The following TRPA1 variants were observed in gnomAD, a reference collection of about 807,000 sequenced individuals.
TRPA1 encodes the protein ankyrin-like with transmembrane domains 1.
Under a neutral mutation model 131.3 loss-of-function variants are expected in TRPA1, and 129 were observed. The observed-to-expected ratio is 0.98, with a 90% CI of 0.85 to 1.14. TRPA1 has a LOEUF of 1.14. Ranked by LOEUF, TRPA1 falls within the 50% of genes most tolerant of loss-of-function variation. TRPA1 has a pLI of 0.00. For missense variants in TRPA1, 1,304 were observed against 1,354.2 expected, an observed-to-expected ratio of 0.96 and a Z score of 0.58; for synonymous variants, 441 against 451.7, an observed-to-expected ratio of 0.98 and a Z score of 0.30.
intron 20 of TRPA1, among the ~76,000 whole-genome samples, chr8:72,037,187 G>A (rs576179964): frequency 2.6e-5 from 4 of 152,150 alleles, no homozygotes; most frequent in African/African-American, 9.6e-5. Context: ...TACTTGCAAT[G>A]TATAATATTT....
chr8:72,030,922 T>C (rs1811791021), intron 23 of TRPA1, among the ~76,000 whole-genome samples: 1 of 152,208 alleles, frequency 6.6e-6, no homozygotes, highest in African/African-American at 2.4e-5. Context: ...ACTCATCCAT[T>C]TATTTTCTGG....
At chr8:72,026,914 G>A (rs914748235) in intron 24 of TRPA1, among the ~76,000 whole-genome samples, 3 of 151,908 alleles carry the variant, frequency 2.0e-5, no homozygotes, top group Admixed American at 2.0e-4. Flanking sequence ...TTAAAATTGT[G>A]GCCCCCTCAC....
chr8:72,058,464 T>C (rs1477264248), intron 8 of TRPA1, among the ~76,000 whole-genome samples: 2 of 152,232 alleles, frequency 1.3e-5, no homozygotes, highest in African/African-American at 4.8e-5. Context: ...AATAATCCTG[T>C]ATTTTATATA....
rs1006858614 is a variant in TRPA1, at chr8:72,064,245, C to A, written c.553-674G>T. ...ATCAGTTTACTCTATACATAATAGT[C>A]CAGAAATTATATATATATAATATAT... On this transcript the variant is annotated intron_variant, in intron 4 of 26. Transcript: ENST00000262209. 3.9e-5 allele frequency among the ~76,000 whole-genome samples: 5 copies of A among 128,890 alleles called. No homozygotes were observed. In the South Asian group the frequency reaches 1.3e-3, roughly 33 times the overall value. The allele number at this position is 128,890 out of a possible 152,430, so 84.6% of individuals were successfully genotyped here.
rs61758121 is a variant in TRPA1 at position 72,026,025 on chromosome 8, G to A, written c.2986C>T (p.Arg996Cys). The change falls in exon 25 of 27, where the codon CGC becomes TGC. Residue 996 changes from arginine to cysteine, a missense_variant. By Grantham distance (180) the Arg-to-Cys change is radical (BLOSUM62 -3). Transcript: ENST00000262209. Reference protein sequence around the residue: ...LEKKLPLWFLRKVDQKSTIVY... With the variant: ...LEKKLPLWFLCKVDQKSTIVY... ...ATGGTGGATTTCTGATCCACTTTGC[G>A]TAGAAACCAAAGTGGCAGCTTCTTC... 1.9e-4 allele frequency: 306 copies of A among 1,614,014 alleles called. 1 individual carries two copies. The African/African-American group carries it at 3.1e-3, about 17-fold the overall frequency.
chr8:72,036,551 T>C (rs1309908654), intron 20 of TRPA1, 94 bp from the exon 21 acceptor site: 1 of 1,224,942 alleles, frequency 8.2e-7, no homozygotes, highest in Non-Finnish European at 1.2e-6. Context: ...TTTTTCTAGC[T>C]TTGCAGCCAG....
At chr8:72,083,400 A>G in the TRPA1 span, among the ~76,000 whole-genome samples, 1 of 152,144 alleles carries the variant, frequency 6.6e-6, no homozygotes. Context: ...TGGACGTTTT[A>G]GATGAATATC....
chr8:72,022,293 C>G lies in TRPA1; in HGVS notation c.*613G>C, dbSNP rs566345310. On this transcript the variant is annotated 3_prime_UTR_variant, in exon 27 of 27. Transcript: ENST00000262209. The stretch of plus-strand genomic sequence containing the variant: ...GTAAAATTCGTGCATATCATAAGGC[C>G]TATTAATTTGTACTTCAACTATATG... 7.5e-5 allele frequency: 12 copies of G among 160,386 alleles called. No homozygotes were observed. In the South Asian group the frequency reaches 2.1e-3, roughly 28 times the overall value. 9.9% of individuals were successfully genotyped at this position (160,386 alleles called of 1,614,324 possible).
In TRPA1 at chr8:72,055,492, C is replaced by A. The variant is rs1805639832; in HGVS notation, c.1473G>T (p.Lys491Asn). The A allele has an allele frequency of 6.2e-7, 1 of 1,613,222 alleles. No individual in the cohort carries two copies. The highest frequency in any genetic ancestry group is 8.5e-7 in the Non-Finnish European group (1 of 1,179,310). The change falls in exon 12 of 27, where the codon AAG becomes AAT. Residue 491 changes from lysine (K) to asparagine (N), a missense_variant. Transcript: ENST00000262209. ...HGMTPLHLAA[K>N]NGHDKVVQLL... ...GCTGAACTACTTTATCATGTCCATT[C>A]TTTGCTGCCAGATGGAGAGGAGTCA...
chr8:72,047,040 T>C (rs1048448060), intron 16 of TRPA1, 108 bp downstream of exon 16: 2 of 839,394 alleles, frequency 2.4e-6, no homozygotes, highest in Non-Finnish European at 3.8e-6. Flanking sequence ...ACAAATTAGA[T>C]CAATACCATC....
chr8:72,039,017 C>T lies in TRPA1; in HGVS notation c.2143G>A (p.Gly715Arg), dbSNP rs756514712. The T allele has an allele frequency of 2.5e-6, 4 of 1,612,442 alleles. No individual in the cohort carries two copies. The highest frequency in any genetic ancestry group is 3.4e-6 in the Non-Finnish European group (4 of 1,179,162). Residue 715 changes from glycine to arginine, a missense_variant, in exon 19 of 27, where the codon GGA (glycine) becomes AGA (arginine). Physicochemically the swap from Gly to Arg is moderately radical, Grantham distance 125. Transcript: ENST00000262209. ...EYLLMKWLAYGFRAHMMNLGS... is the reference protein window; with the variant it reads ...EYLLMKWLAYRFRAHMMNLGS... The stretch of plus-strand genomic sequence containing the variant: ...AAATTCATCATATGAGCTCTAAATC[C>T]ATAAGCCAACCTACAAAAATATAAG...
At chr8:72,034,725 G>C (rs1215837803) in intron 21 of TRPA1, among the ~76,000 whole-genome samples, 1 of 152,166 alleles carries the variant, frequency 6.6e-6, no homozygotes, top group African/African-American at 2.4e-5. Context: ...TTCCCGAGTA[G>C]CCGGGACCAC....
chr8:72,033,211 C>T (rs895778744), intron 23 of TRPA1, among the ~76,000 whole-genome samples: 1 of 152,202 alleles, frequency 6.6e-6, no homozygotes, highest in African/African-American at 2.4e-5. Context: ...AACTCTGACC[C>T]CCTCTCCAAC....
rs776424509 is a variant in TRPA1 at position 72,029,942 on chromosome 8, C to A, written c.2896G>T (p.Glu966Ter). 7 of 1,613,928 alleles carry A rather than the reference C, an allele frequency of 4.3e-6. No homozygotes were observed. The highest frequency in any genetic ancestry group is 5.9e-6 in the Non-Finnish European group (7 of 1,179,850). Reference protein sequence around the residue: ...LIGLAVGDIAEVQKHASLKRI... With the variant: ...LIGLAVGDIA Reference sequence around the variant, plus strand: ...TTCAATGATGCATGTTTCTGGACCTCAGCAATGTCGCCAACTGCCAAACCA... The same window carrying A: ...TTCAATGATGCATGTTTCTGGACCTAAGCAATGTCGCCAACTGCCAAACCA... Residue 966 changes from glutamate (E) to a stop codon, truncating the protein, a stop_gained, in exon 24 of 27, where the codon GAG (glutamate) becomes TAG (stop). Coordinates refer to ENST00000262209, the MANE Select transcript of TRPA1 (RefSeq NM_007332.3). LOFTEE classifies it high-confidence loss of function.
At chr8:72,074,142 A>G (rs1023352000) in intron 1 of TRPA1, among the ~76,000 whole-genome samples, 91 of 137,892 alleles carry the variant, frequency 6.6e-4, no homozygotes, top group African/African-American at 2.5e-3. Flanking sequence ...ACAGACAGAC[A>G]GAGAAGCTAC....
chr8:72,044,205 G>A (rs1387883773), intron 17 of TRPA1, among the ~76,000 whole-genome samples: 2 of 148,534 alleles, frequency 1.3e-5, no homozygotes, highest in East Asian at 3.9e-4. Flanking sequence ...AGCTATTCTT[G>A]GGAAAAAAAA....
the TRPA1 span, among the ~76,000 whole-genome samples, chr8:72,084,569 T>G: frequency 2.0e-5 from 3 of 151,904 alleles, no homozygotes; most frequent in Admixed American, 2.0e-4. Flanking sequence ...GAATTGATTT[T>G]GAAGTTTTTC....
In TRPA1 at chr8:72,053,872, T is replaced by A. The variant is rs1027882116; in HGVS notation, c.1530-5A>T. Reference sequence around the variant, plus strand: ...GCTGTCCAGCCATTGTGGTCACTGGTAAAGAGTTAAGAAAAGATGTGTGCA... The same window carrying A: ...GCTGTCCAGCCATTGTGGTCACTGGAAAAGAGTTAAGAAAAGATGTGTGCA... On this transcript the variant is annotated splice_region_variant and splice_polypyrimidine_tract_variant and intron_variant, in intron 12 of 26. Transcript: ENST00000262209. 3 of 1,607,810 alleles carry A rather than the reference T, an allele frequency of 1.9e-6. No individual in the cohort carries two copies. The Admixed American group carries it at 5.0e-5, about 27-fold the overall frequency.
intron 12 of TRPA1, 168 bp from the exon 13 acceptor site, chr8:72,054,035 T>C (rs891793299): frequency 2.9e-5 from 18 of 625,052 alleles, no homozygotes; most frequent in Non-Finnish European, 4.9e-5. Flanking sequence ...AATTCCAAGC[T>C]CAATGATCTT....
Sources: gnomAD v4.1 joint callset for allele counts (sites outside exome capture counted in the v4.1 genomes callset) on GRCh38, gnomAD v4.1.1 for gene constraint, MANE v1.5 for transcripts, NCBI Gene and HGNC (gene_info 2026-07-23, HGNC 2026-07-21) for gene names.